Variants in RANBP9 observed in about 807,000 individuals in gnomAD.
RANBP9 encodes ran-binding protein 9.
A neutral mutation model predicts 84.3 loss-of-function variants in RANBP9; 15 were observed. That is an observed-to-expected ratio of 0.18 (90% CI 0.12 to 0.27). RANBP9 has a LOEUF of 0.27. Ranked by LOEUF, RANBP9 falls within the 10% of genes least tolerant of loss-of-function variation. The probability of loss-of-function intolerance (pLI) is 1.00; values close to 1 mark genes in which losing one functional copy is unlikely to be tolerated. For synonymous variants in RANBP9, 392 were observed against 349.6 expected (o/e 1.12, Z -1.35); for missense variants, 809 against 912.8 (o/e 0.89, Z 1.46).
intron 1 of RANBP9, among the ~76,000 whole-genome samples, chr6:13,700,689 C>T (rs551100853): frequency 1.3e-5 from 2 of 152,218 alleles, no homozygotes; most frequent in Admixed American, 6.5e-5. Flanking sequence ...TCTTTATTCC[C>T]GCTAACTTCC....
chr6:13,668,117 A>T (rs1048199040), intron 2 of RANBP9, among the ~76,000 whole-genome samples: 18 of 152,108 alleles, frequency 1.2e-4, no homozygotes, highest in Non-Finnish European at 2.2e-4. Context: ...GAATTACAAG[A>T]GTATTACTAC....
At chr6:13,686,597 T>C (rs192465394) in intron 2 of RANBP9, among the ~76,000 whole-genome samples, 44 of 151,780 alleles carry the variant, frequency 2.9e-4, no homozygotes, top group Middle Eastern at 3.4e-3. Context: ...ATAAACAGGG[T>C]CTCGCTTTGT....
chr6:13,639,502 A>G (rs1765013793), intron 9 of RANBP9, 61 bp downstream of exon 9: 10 of 1,492,288 alleles, frequency 6.7e-6, no homozygotes, highest in South Asian at 2.4e-5. Flanking sequence ...TTTCAAAAGG[A>G]AAAAGGTTTA....
intron 2 of RANBP9, among the ~76,000 whole-genome samples, chr6:13,671,527 TAAA>T (rs1765778890): frequency 6.6e-6 from 1 of 152,264 alleles, no homozygotes; most frequent in Admixed American, 6.5e-5. Flanking sequence ...CATGTTAAGA[TAAA>T]GAAGTCAGAA....
Position 13,625,805 on chromosome 6 carries a change from C to T in RANBP9, c.1948-41G>A, listed in dbSNP as rs776457319. 4.5e-6 allele frequency: 6 copies of T among 1,338,260 alleles called. No homozygotes were observed. In the Admixed American group the frequency reaches 5.0e-5, roughly 11 times the overall value. The allele number at this position is 1,338,260 out of a possible 1,614,324, so 82.9% of individuals were successfully genotyped here. ...CGATTTGGTTTTAATTCAAATAGTTCAACTATTATGCTCACAAATGTTTCC... is the reference window on the plus strand; with the variant it reads ...CGATTTGGTTTTAATTCAAATAGTTTAACTATTATGCTCACAAATGTTTCC... On this transcript the variant is annotated intron_variant, in intron 12 of 13. Transcript: ENST00000011619.
At chr6:13,686,872 A>G (rs146577928) in intron 2 of RANBP9, among the ~76,000 whole-genome samples, 4 of 152,204 alleles carry the variant, frequency 2.6e-5, no homozygotes, top group Admixed American at 6.5e-5. Context: ...CTGCTATCAC[A>G]AGGACTAATT....
chr6:13,682,277 A>T (rs1016132931), intron 2 of RANBP9, among the ~76,000 whole-genome samples: 24 of 152,196 alleles, frequency 1.6e-4, no homozygotes, highest in African/African-American at 4.1e-4. Context: ...AAGTGAAACT[A>T]GTATATATCA....
At chr6:13,707,210 G>A (rs190083977) in intron 1 of RANBP9, among the ~76,000 whole-genome samples, 5 of 152,058 alleles carry the variant, frequency 3.3e-5, no homozygotes, top group African/African-American at 9.6e-5. Context: ...GTAGAGACGG[G>A]GTCCCACTAT....
intron 2 of RANBP9, among the ~76,000 whole-genome samples, chr6:13,668,277 T>C (rs568520877): frequency 6.6e-6 from 1 of 152,278 alleles, no homozygotes. Flanking sequence ...CGTGCTCAGA[T>C]GGCTTCACTG....
chr6:13,664,489 C>A (rs1254071263), intron 2 of RANBP9, among the ~76,000 whole-genome samples: 1 of 151,800 alleles, frequency 6.6e-6, no homozygotes, highest in Non-Finnish European at 1.5e-5. Flanking sequence ...AAAGCTGATT[C>A]TAAAGTGTAT....
chr6:13,638,542 A>G (rs1764991056), intron 9 of RANBP9, among the ~76,000 whole-genome samples: 1 of 152,044 alleles, frequency 6.6e-6, no homozygotes, highest in Admixed American at 6.6e-5. Flanking sequence ...ATCAGAAATA[A>G]ATCTGTGGCT....
intron 5 of RANBP9, among the ~76,000 whole-genome samples, chr6:13,650,674 T>C (rs1176762837): frequency 6.6e-6 from 1 of 152,216 alleles, no homozygotes; most frequent in Admixed American, 6.5e-5. Context: ...AATCAGCAGC[T>C]TGGAGATTAA....
chr6:13,627,227 A>G (rs980192927), intron 12 of RANBP9, among the ~76,000 whole-genome samples: 1 of 152,200 alleles, frequency 6.6e-6, no homozygotes, highest in African/African-American at 2.4e-5. Flanking sequence ...TATGCATCCC[A>G]CAAAGCTACT....
Position 13,625,746 on chromosome 6 carries a change from C to A in RANBP9, c.1966G>T (p.Ala656Ser). ...GGGCTGTTCCAGGGATCTGAATATG[C>A]TAGTAGACTGAATGCATCCTGTTGA... is the stretch of plus-strand genomic sequence containing the variant. The part of the protein sequence containing the change: ...KMLKDAFSLL[A>S]YSDPWNSPVG... Residue 656 changes from alanine (A) to serine (S), a missense_variant, in exon 13 of 14, where the codon GCA becomes TCA. Transcript: ENST00000011619. 6.2e-7 allele frequency: 1 copy of A among 1,608,846 alleles called. No homozygotes were observed. The highest frequency in any genetic ancestry group is 8.5e-7 in the Non-Finnish European group (1 of 1,175,360).
chr6:13,711,188 C>A lies in RANBP9; in HGVS notation c.318G>T (p.Pro106=). The part of the protein sequence containing the change: ...AAPASGPPAP[P]GLAAGPGPAG... Reference sequence around the variant, plus strand: ...CCGGGCCGGGGCCCGCTGCAAGGCCCGGGGGAGCGGGCGGCCCGCTGGCGG... The same window carrying A: ...CCGGGCCGGGGCCCGCTGCAAGGCCAGGGGGAGCGGGCGGCCCGCTGGCGG... The change falls in exon 1 of 14, where the codon CCG becomes CCT. Residue 106 remains proline, a synonymous_variant. Coordinates refer to ENST00000011619, the MANE Select transcript of RANBP9 (RefSeq NM_005493.3). 8.9e-7 allele frequency: 1 copy of A among 1,127,982 alleles called. No individual in the cohort carries two copies. Among genetic ancestry groups the A allele is most frequent in the African/African-American group, 1.9e-5 (1 of 52,300 alleles). The allele number at this position is 1,127,982 out of a possible 1,614,324, so 69.9% of individuals were successfully genotyped here. A position where few individuals can be genotyped will look rare whatever the true frequency, so the allele number is the denominator to read the frequency against.
chr6:13,686,973 A>G (rs1766204958), intron 2 of RANBP9, among the ~76,000 whole-genome samples: 2 of 152,198 alleles, frequency 1.3e-5, no homozygotes, highest in Non-Finnish European at 2.9e-5. Flanking sequence ...TCTGCCTTCT[A>G]ATTCTCTGAC....
At chr6:13,633,054 A>ATGGAGTCTCACACTCTGTCACCCAAGC (rs1764837782) in intron 11 of RANBP9, among the ~76,000 whole-genome samples, 1 of 148,060 alleles carries the variant, frequency 6.8e-6, no homozygotes, top group Non-Finnish European at 1.5e-5. Flanking sequence ...TTTTTTTTGG[A>ATGGAGTCTCACACTCTGTCACCCAAGC]TGGAGTCTCA....
intron 13 of RANBP9, 108 bp from the exon 14 acceptor site, chr6:13,622,600 C>T: frequency 8.6e-7 from 1 of 1,166,800 alleles, no homozygotes; most frequent in Non-Finnish European, 1.1e-6. Flanking sequence ...ACTCCCATAC[C>T]ACTCTGAAAT....
At chr6:13,651,390 TTTTG>T (rs1168277264) in intron 5 of RANBP9, among the ~76,000 whole-genome samples, 17 of 85,360 alleles carry the variant, frequency 2.0e-4, no homozygotes, top group Middle Eastern at 5.2e-3. Flanking sequence ...GTTGTTGTTG[TTTTG>T]TTTTTTTGTT....
Sources: gnomAD v4.1 joint callset for allele counts (sites outside exome capture counted in the v4.1 genomes callset) on GRCh38, gnomAD v4.1.1 for gene constraint, MANE v1.5 for transcripts, NCBI Gene and HGNC (gene_info 2026-07-23, HGNC 2026-07-21) for gene names.